The following STX8 variants were observed in gnomAD, a reference collection of about 807,000 sequenced individuals.
STX8 encodes the protein syntaxin 8.
STX8 carries 23 observed loss-of-function variants against 37.5 expected under a neutral mutation model. The ratio of observed to expected loss-of-function variants is 0.61; its 90% CI spans 0.44 to 0.87. The LOEUF is 0.87. Ranked by LOEUF, STX8 falls within the 40% of genes least tolerant of loss-of-function variation. The probability of loss-of-function intolerance (pLI) is 0.00; values close to 1 mark genes in which losing one functional copy is unlikely to be tolerated. For missense variants in STX8, 313 were observed against 284.7 expected, an observed-to-expected ratio of 1.10 and a Z score of -0.71; for synonymous variants, 115 against 99.1, an observed-to-expected ratio of 1.16 and a Z score of -0.95.
chr17:9,280,155 G>A (rs1211276467), intron 7 of STX8, among the ~76,000 whole-genome samples: 1 of 152,188 alleles, frequency 6.6e-6, no homozygotes, highest in Non-Finnish European at 1.5e-5. Context: ...GGCTGGTCAA[G>A]GCAGCAGTGA....
chr17:9,378,779 C>A (rs1911690655), intron 6 of STX8, 126 bp from the exon 7 acceptor site: 1 of 659,200 alleles, frequency 1.5e-6, no homozygotes. Flanking sequence ...GTACAGAACT[C>A]ATGTCGATTC....
At chr17:9,422,413 G>A (rs114880045) in intron 6 of STX8, among the ~76,000 whole-genome samples, 3,146 of 152,218 alleles carry the variant, frequency 0.021, 98 homozygotes, top group African/African-American at 0.072. Context: ...GGCCAAGGCC[G>A]TCTCAGGTAG....
chr17:9,418,845 G>C (rs1259286356), intron 6 of STX8, among the ~76,000 whole-genome samples: 3 of 146,584 alleles, frequency 2.0e-5, no homozygotes, highest in African/African-American at 4.9e-5. Flanking sequence ...AAAAAGGGGG[G>C]GGGGAAGGGG....
chr17:9,406,890 A>T (rs1912820911), intron 6 of STX8, among the ~76,000 whole-genome samples: 1 of 152,194 alleles, frequency 6.6e-6, no homozygotes, highest in South Asian at 2.1e-4. Flanking sequence ...CTTTACCATA[A>T]ACCACTAAAA....
chr17:9,396,910 A>G (rs760706685), intron 6 of STX8, among the ~76,000 whole-genome samples: 16 of 152,236 alleles, frequency 1.1e-4, no homozygotes, highest in Non-Finnish European at 1.5e-4. Flanking sequence ...TTACAAATGT[A>G]TGCAACAACA....
chr17:9,253,017 G>C (rs1280456500), intron 7 of STX8, among the ~76,000 whole-genome samples: 2 of 152,206 alleles, frequency 1.3e-5, no homozygotes, highest in South Asian at 2.1e-4. Flanking sequence ...CCATCATCAT[G>C]ATGATGACCC....
chr17:9,255,119 T>C (rs1320546648), intron 7 of STX8, among the ~76,000 whole-genome samples: 3 of 152,136 alleles, frequency 2.0e-5, no homozygotes. Flanking sequence ...GTGGGTCTAG[T>C]GGAACTATTA....
chr17:9,346,067 G>C (rs1196587778), intron 7 of STX8, among the ~76,000 whole-genome samples: 1 of 151,744 alleles, frequency 6.6e-6, no homozygotes, highest in African/African-American at 2.4e-5. Flanking sequence ...GGCCAGGCTG[G>C]TCTCAGACCC....
intron 6 of STX8, among the ~76,000 whole-genome samples, chr17:9,431,147 C>T (rs535334619): frequency 4.6e-5 from 7 of 151,602 alleles, no homozygotes; most frequent in Non-Finnish European, 7.4e-5. Context: ...TAAGCCACTG[C>T]GCCCAGCCTT....
In STX8 at chr17:9,419,276, G is replaced by C. The variant is rs1273053620; in HGVS notation, c.542-40623C>G. Among the ~76,000 whole-genome samples the C allele has an allele frequency of 2.0e-5, 3 of 151,168 alleles. No individual in the cohort carries two copies. In the East Asian group the frequency reaches 5.9e-4, roughly 30 times the overall value. ...CTTAGACACAGGGTCTCACTATGTT[G>C]AGATCGCCCAAGGTGATCTCAAACT... On this transcript the variant is annotated intron_variant, in intron 6 of 7. Transcript: ENST00000306357.
chr17:9,404,467 T>A (rs1912738949), intron 6 of STX8, among the ~76,000 whole-genome samples: 1 of 152,120 alleles, frequency 6.6e-6, no homozygotes, highest in African/African-American at 2.4e-5. Flanking sequence ...AGTAGTCTTT[T>A]TTTTTTTGGA....
At chr17:9,277,800 G>A (rs1907727431) in intron 7 of STX8, among the ~76,000 whole-genome samples, 1 of 152,082 alleles carries the variant, frequency 6.6e-6, no homozygotes, top group South Asian at 2.1e-4. Flanking sequence ...AGAGCAGCTA[G>A]GGATTCATGG....
intron 6 of STX8, among the ~76,000 whole-genome samples, chr17:9,489,090 T>C (rs1277437697): frequency 6.6e-6 from 1 of 152,164 alleles, no homozygotes; most frequent in Admixed American, 6.5e-5. Context: ...TTGGCCAGGC[T>C]GGTCTCGAAC....
At chr17:9,345,661 A>C (rs1910506107) in intron 7 of STX8, among the ~76,000 whole-genome samples, 1 of 150,016 alleles carries the variant, frequency 6.7e-6, no homozygotes, top group Non-Finnish European at 1.5e-5. Flanking sequence ...TGATTATATC[A>C]AGTTAGTTAA....
chr17:9,544,224 T>G (rs917189541), intron 4 of STX8, among the ~76,000 whole-genome samples: 2 of 152,156 alleles, frequency 1.3e-5, no homozygotes, highest in Non-Finnish European at 2.9e-5. Flanking sequence ...CCACCCAAGC[T>G]CATTGCCTTC....
At chr17:9,328,305 G>T (rs1257650577) in intron 7 of STX8, among the ~76,000 whole-genome samples, 3 of 152,044 alleles carry the variant, frequency 2.0e-5, no homozygotes, top group Non-Finnish European at 4.4e-5. Flanking sequence ...ACTTTCTGTG[G>T]CCTGTCTTGG....
At chr17:9,326,655 G>A (rs1369875680) in intron 7 of STX8, among the ~76,000 whole-genome samples, 3 of 152,054 alleles carry the variant, frequency 2.0e-5, no homozygotes, top group African/African-American at 7.2e-5. Context: ...AGAACTTGTC[G>A]GCCACATGTC....
At chr17:9,402,432 T>C (rs1303382000) in intron 6 of STX8, among the ~76,000 whole-genome samples, 1 of 152,190 alleles carries the variant, frequency 6.6e-6, no homozygotes, top group Non-Finnish European at 1.5e-5. Flanking sequence ...TTTTAATATA[T>C]TTTTAAATCA....
At chr17:9,533,055 A>G (rs372987765) in intron 4 of STX8, among the ~76,000 whole-genome samples, 39 of 152,384 alleles carry the variant, frequency 2.6e-4, no homozygotes, top group African/African-American at 8.7e-4. Flanking sequence ...ATGTGTAGAA[A>G]AAGTCAGAAG....
Sources: gnomAD v4.1 joint callset for allele counts (sites outside exome capture counted in the v4.1 genomes callset) on GRCh38, gnomAD v4.1.1 for gene constraint, MANE v1.5 for transcripts, NCBI Gene and HGNC (gene_info 2026-07-23, HGNC 2026-07-21) for gene names.